Variants in DIS3L2 observed in about 807,000 individuals in gnomAD.
DIS3L2 encodes DIS3 like 3'-5' exoribonuclease 2, also known as DIS3-like exonuclease 2.
DIS3L2 carries 34 observed loss-of-function variants against 97.5 expected under a neutral mutation model. The observed-to-expected ratio is 0.35, with a 90% CI of 0.27 to 0.46. The LOEUF (loss-of-function observed/expected upper bound fraction) is 0.46, where lower values mean the gene tolerates loss of function less well. DIS3L2 is among the 20% of genes least tolerant of loss of function. The probability of loss-of-function intolerance (pLI) is 1.00; values close to 1 mark genes in which losing one functional copy is unlikely to be tolerated. For missense variants in DIS3L2, 1,038 were observed against 1,146.0 expected (o/e 0.91, Z 1.36); for synonymous variants, 435 against 445.2 (o/e 0.98, Z 0.29).
chr2:232,133,950 C>T (rs887333618), intron 7 of DIS3L2, among the ~76,000 whole-genome samples: 8 of 136,764 alleles, frequency 5.8e-5, no homozygotes, highest in Non-Finnish European at 1.1e-4. Context: ...ATCGTGCCAC[C>T]GTATTCTAGC....
chr2:232,203,755 G>C (rs1449515895), intron 9 of DIS3L2, among the ~76,000 whole-genome samples: 2 of 152,196 alleles, frequency 1.3e-5, no homozygotes, highest in Admixed American at 1.3e-4. Flanking sequence ...TGGGTAGGGC[G>C]CATGGGGGAG....
intron 12 of DIS3L2, 75 bp downstream of exon 12, chr2:232,249,421 C>G (rs1417935301): frequency 6.9e-7 from 1 of 1,454,870 alleles, no homozygotes; most frequent in African/African-American, 1.4e-5. Context: ...CACCATGTGC[C>G]TGGCACTGGC....
chr2:232,208,952 C>T (rs1231995845), intron 9 of DIS3L2, among the ~76,000 whole-genome samples: 1 of 151,534 alleles, frequency 6.6e-6, no homozygotes, highest in Non-Finnish European at 1.5e-5. Context: ...TATTTGAGCT[C>T]AAGAGGTTGA....
At chr2:232,106,176 T>A (rs1378606013) in intron 6 of DIS3L2, among the ~76,000 whole-genome samples, 2 of 152,188 alleles carry the variant, frequency 1.3e-5, no homozygotes, top group Admixed American at 1.3e-4. Context: ...CAGGGCCATA[T>A]CTATTTACAA....
chr2:232,018,285 A>G (rs1056411681), intron 3 of DIS3L2, among the ~76,000 whole-genome samples: 1 of 54,998 alleles, frequency 1.8e-5, no homozygotes, highest in Non-Finnish European at 3.1e-5. Context: ...AAATCTGATC[A>G]ATATAACAAC....
At chr2:232,161,770 C>G (rs1320843204) in intron 8 of DIS3L2, among the ~76,000 whole-genome samples, 1 of 150,060 alleles carries the variant, frequency 6.7e-6, no homozygotes, top group African/African-American at 2.4e-5. Context: ...CGTGCCTGAC[C>G]CCAGTTCAAT....
At chr2:232,342,691 G>T (rs193281684) in intron 13 of DIS3L2, among the ~76,000 whole-genome samples, 1 of 152,192 alleles carries the variant, frequency 6.6e-6, no homozygotes, top group Non-Finnish European at 1.5e-5. Context: ...AGAAGGCTGC[G>T]TATGGTCTTC....
chr2:232,039,348 G>A (rs902450022), intron 5 of DIS3L2, among the ~76,000 whole-genome samples: 15 of 152,160 alleles, frequency 9.9e-5, no homozygotes, highest in African/African-American at 3.6e-4. Context: ...TAGTACAAAA[G>A]CATATTGTTA....
intron 10 of DIS3L2, among the ~76,000 whole-genome samples, chr2:232,232,103 G>A (rs1370416293): frequency 1.3e-5 from 2 of 152,184 alleles, no homozygotes; most frequent in African/African-American, 2.4e-5. Flanking sequence ...AGGGATAAGG[G>A]CCAGGAAAGT....
chr2:232,238,750 C>A, intron 11 of DIS3L2, 105 bp downstream of exon 11: 2 of 1,018,934 alleles, frequency 2.0e-6, no homozygotes, highest in Non-Finnish European at 2.9e-6. Flanking sequence ...AAAGAGAAGC[C>A]AAAGGAAGAC....
intron 10 of DIS3L2, among the ~76,000 whole-genome samples, chr2:232,231,148 A>T (rs570086656): frequency 6.6e-6 from 1 of 152,100 alleles, no homozygotes; most frequent in Non-Finnish European, 1.5e-5. Context: ...TTCTCTCCCC[A>T]CTAGACTGGA....
chr2:232,169,662 C>G (rs1690926728), intron 9 of DIS3L2, among the ~76,000 whole-genome samples: 1 of 152,166 alleles, frequency 6.6e-6, no homozygotes, highest in African/African-American at 2.4e-5. Context: ...CTTGCAAGTC[C>G]TATGGTTTGG....
chr2:232,224,301 G>C (rs1489276488), intron 10 of DIS3L2, among the ~76,000 whole-genome samples: 1 of 152,088 alleles, frequency 6.6e-6, no homozygotes, highest in African/African-American at 2.4e-5. Flanking sequence ...ATCCATATGG[G>C]GGAAAAATTG....
In DIS3L2 at chr2:231,987,903, G is replaced by A. The variant is rs535259273; in HGVS notation, c.-94+26138G>A. ...TGCCCAGGCTGGAGTGCAATGGCAC[G>A]ATCTCTGCTCACTGTGCGCGACCTC... On this transcript the variant is annotated intron_variant, in intron 1 of 20. Transcript: ENST00000325385. Among the ~76,000 whole-genome samples, 14 of 152,082 alleles carry A rather than the reference G, an allele frequency of 9.2e-5. No individual in the cohort carries two copies. The South Asian group carries it at 2.9e-3, about 32-fold the overall frequency.
intron 1 of DIS3L2, among the ~76,000 whole-genome samples, chr2:231,993,232 G>A (rs576676399): frequency 4.9e-4 from 75 of 152,016 alleles, no homozygotes; most frequent in African/African-American, 1.5e-3. Flanking sequence ...AAAATATGAA[G>A]TTATCTTTTT....
intron 12 of DIS3L2, among the ~76,000 whole-genome samples, chr2:232,257,261 G>T (rs1201668771): frequency 6.6e-6 from 1 of 152,082 alleles, no homozygotes; most frequent in African/African-American, 2.4e-5. Flanking sequence ...GTTTGCTCTA[G>T]CCACCCCACT....
intron 1 of DIS3L2, among the ~76,000 whole-genome samples, chr2:231,993,105 C>T (rs1292263124): frequency 6.6e-6 from 1 of 152,226 alleles, no homozygotes; most frequent in African/African-American, 2.4e-5. Context: ...CCTGGTGTTG[C>T]AGTCACCTCA....
rs192092924 is a variant in DIS3L2 at position 232,282,790 on chromosome 2, G to A, written c.1660-17250G>A. On this transcript the variant is annotated intron_variant, in intron 13 of 20. Transcript: ENST00000325385. The stretch of plus-strand genomic sequence containing the variant: ...GCACAAACCCGGCTGTTCTGGAGGC[G>A]TCCTGTGCTAAGCAGAGAGCACTTG... Among the ~76,000 whole-genome samples, 37 of 152,280 alleles carry A rather than the reference G, an allele frequency of 2.4e-4. No homozygotes were observed. The East Asian group carries it at 3.5e-3, about 14-fold the overall frequency.
chr2:232,318,686 T>C (rs1345401895), intron 14 of DIS3L2, among the ~76,000 whole-genome samples: 1 of 152,064 alleles, frequency 6.6e-6, no homozygotes, highest in Non-Finnish European at 1.5e-5. Context: ...TGGGACCCTG[T>C]AGGCCCCAAC....
Sources: allele counts gnomAD v4.1 joint callset (sites outside exome capture counted in the v4.1 genomes callset), GRCh38; gene constraint gnomAD v4.1.1; transcripts MANE v1.5; gene names NCBI Gene and HGNC (gene_info 2026-07-23, HGNC 2026-07-21).